The following TUT4 variants were observed in gnomAD, a reference collection of about 807,000 sequenced individuals.
The protein encoded by TUT4 is terminal uridylyl transferase 4, also known as terminal uridylyltransferase 4.
A neutral mutation model predicts 192.2 loss-of-function variants in TUT4; 36 were observed. That is an observed-to-expected ratio of 0.19 (90% CI 0.14 to 0.25). TUT4 has a LOEUF of 0.25. TUT4 is among the 10% of genes least tolerant of loss of function. TUT4 has a pLI of 1.00. For missense variants in TUT4, 1,493 were observed against 1,957.2 expected (o/e 0.76, Z 4.47); for synonymous variants, 618 against 666.0 (o/e 0.93, Z 1.11).
chr1:52,518,075 G>C (rs1027203581), intron 2 of TUT4, among the ~76,000 whole-genome samples: 1 of 152,160 alleles, frequency 6.6e-6, no homozygotes, highest in Non-Finnish European at 1.5e-5. Context: ...AAAAACAATA[G>C]TTCATTACAT....
chr1:52,509,851 A>G (rs1409979792), intron 3 of TUT4, 139 bp from the exon 4 acceptor site: 1 of 676,712 alleles, frequency 1.5e-6, no homozygotes, highest in East Asian at 2.7e-5. Flanking sequence ...TCCTTCTTCT[A>G]AAGTAATAGT....
At chr1:52,552,160 A>G (rs1689613273) in intron 1 of TUT4, among the ~76,000 whole-genome samples, 1 of 152,238 alleles carries the variant, frequency 6.6e-6, no homozygotes, top group Non-Finnish European at 1.5e-5. Flanking sequence ...TACAACAGTA[A>G]TTCATCCCAT....
intron 24 of TUT4, 66 bp from the exon 25 acceptor site, chr1:52,438,401 A>C (rs557092170): frequency 7.7e-5 from 83 of 1,076,236 alleles, no homozygotes; most frequent in Admixed American, 1.6e-4. Flanking sequence ...AATGGAAAGA[A>C]GACCAAGATG....
chr1:52,544,885 T>C (rs1324325262), intron 1 of TUT4, among the ~76,000 whole-genome samples: 3 of 151,502 alleles, frequency 2.0e-5, no homozygotes, highest in Non-Finnish European at 4.4e-5. Flanking sequence ...AGTGAGACCC[T>C]GTCTCTACAA....
intron 1 of TUT4, among the ~76,000 whole-genome samples, chr1:52,532,044 C>A (rs1325961288): frequency 6.6e-6 from 1 of 151,750 alleles, no homozygotes; most frequent in African/African-American, 2.4e-5. Context: ...TGTGCTACCA[C>A]GCCCAGCTAA....
chr1:52,449,512 C>T (rs1658703218), intron 20 of TUT4, among the ~76,000 whole-genome samples: 1 of 152,148 alleles, frequency 6.6e-6, no homozygotes, highest in African/African-American at 2.4e-5. Flanking sequence ...ATTGGCCAGG[C>T]TGGTCTCAAA....
At chr1:52,552,639 G>C (rs1283504485) in intron 1 of TUT4, among the ~76,000 whole-genome samples, 3 of 152,204 alleles carry the variant, frequency 2.0e-5, no homozygotes, top group Non-Finnish European at 4.4e-5. Flanking sequence ...GTCCGGGACC[G>C]GGAGCCCCAG....
chr1:52,483,330 G>A (rs189266146), intron 9 of TUT4, among the ~76,000 whole-genome samples: 36 of 151,888 alleles, frequency 2.4e-4, no homozygotes, highest in African/African-American at 8.0e-4. Flanking sequence ...AACCCTTTAC[G>A]TCTGATATAT....
intron 2 of TUT4, among the ~76,000 whole-genome samples, chr1:52,517,854 A>G (rs1679121392): frequency 1.3e-5 from 2 of 152,224 alleles, no homozygotes; most frequent in Admixed American, 1.3e-4. Context: ...CTAATAATGT[A>G]ACCTTCTTCT....
intron 20 of TUT4, 102 bp downstream of exon 20, chr1:52,458,234 G>T: frequency 1.4e-6 from 1 of 707,576 alleles, no homozygotes; most frequent in Non-Finnish European, 2.3e-6. Context: ...GGACAACCAT[G>T]ATGGAAAAAT....
intron 2 of TUT4, among the ~76,000 whole-genome samples, chr1:52,517,304 A>G (rs570145385): frequency 6.6e-6 from 1 of 152,334 alleles, no homozygotes; most frequent in East Asian, 1.9e-4. Flanking sequence ...TACAATGCCT[A>G]GATCTGAGCT....
At chr1:52,424,181 G>A (rs1159951173) in intron 29 of TUT4, 179 bp from the exon 30 acceptor site, 58 of 609,368 alleles carry the variant, frequency 9.5e-5, no homozygotes, top group Admixed American at 2.4e-4. Context: ...GGAAATACCT[G>A]TATGTGAAAA....
chr1:52,521,125 TTTG>T (rs2149414022), intron 2 of TUT4, among the ~76,000 whole-genome samples: 1 of 152,288 alleles, frequency 6.6e-6, no homozygotes, highest in South Asian at 2.1e-4. Context: ...ATTTATTGTG[TTTG>T]TTATCTGTTT....
chr1:52,453,755 G>C (rs575108410), intron 20 of TUT4, among the ~76,000 whole-genome samples: 1 of 152,218 alleles, frequency 6.6e-6, no homozygotes, highest in East Asian at 1.9e-4. Context: ...CTAATGCAAT[G>C]AAACAAGAAA....
intron 3 of TUT4, among the ~76,000 whole-genome samples, chr1:52,511,388 G>A (rs376412253): frequency 2.0e-5 from 3 of 152,228 alleles, no homozygotes; most frequent in East Asian, 3.9e-4. Flanking sequence ...AATATATTGA[G>A]CTCATATTAT....
At chr1:52,474,314 T>G (rs574717144) in intron 13 of TUT4, among the ~76,000 whole-genome samples, 39 of 152,324 alleles carry the variant, frequency 2.6e-4, no homozygotes, top group Admixed American at 3.9e-4. Context: ...AGAGGCTCAG[T>G]AGCAGAAACA....
intron 4 of TUT4, among the ~76,000 whole-genome samples, chr1:52,499,244 C>T (rs1227379067): frequency 6.6e-6 from 1 of 151,540 alleles, no homozygotes; most frequent in African/African-American, 2.4e-5. Flanking sequence ...ACTAAAAATA[C>T]AAAAATTAGC....
At chr1:52,513,309 C>CCCAGG in intron 3 of TUT4, among the ~76,000 whole-genome samples, 1 of 145,336 alleles carries the variant, frequency 6.9e-6, no homozygotes, top group Non-Finnish European at 1.5e-5. Context: ...GACTTAGGTA[C>CCCAGG]CTGAGCCTGG....
In TUT4 at chr1:52,471,008, CTTTTTTTTTTTTT is replaced by C. The variant is rs771331613; in HGVS notation, c.2878+931_2878+943del. 6.1e-5 allele frequency among the ~76,000 whole-genome samples: 5 copies of C among 82,156 alleles called. No homozygotes were observed. In the South Asian group the frequency reaches 1.3e-3, roughly 21 times the overall value. 53.9% of individuals were successfully genotyped at this position (82,156 alleles called of 152,430 possible). A position where few individuals can be genotyped will look rare whatever the true frequency, so the allele number is the denominator to read the frequency against. ...CCCCAAACAAATTATGCACTCTATG[CTTTTTTTTTTTTT>C]TTTTTTTTTTTTTAAGACGGAGTCT... On this transcript the variant is annotated intron_variant, in intron 14 of 29. Transcript: ENST00000257177.
Sources: gnomAD v4.1 joint callset for allele counts (sites outside exome capture counted in the v4.1 genomes callset) on GRCh38, gnomAD v4.1.1 for gene constraint, MANE v1.5 for transcripts, NCBI Gene and HGNC (gene_info 2026-07-23, HGNC 2026-07-21) for gene names.